Variants in CNST observed in about 807,000 individuals in gnomAD.
CNST encodes consortin.
Under a neutral mutation model 72.4 loss-of-function variants are expected in CNST, and 39 were observed. That is an observed-to-expected ratio of 0.54 (90% CI 0.42 to 0.70). CNST has a LOEUF of 0.70. CNST is among the 30% of genes least tolerant of loss of function. The pLI is 0.00. For missense variants in CNST, 871 were observed against 868.5 expected (o/e 1.00, Z -0.04); for synonymous variants, 332 against 320.1 (o/e 1.04, Z -0.40).
chr1:246,569,591 G>C (rs1233645366), intron 1 of CNST, among the ~76,000 whole-genome samples: 1 of 152,076 alleles, frequency 6.6e-6, no homozygotes, highest in Admixed American at 6.6e-5. Context: ...TGTTTTGTTT[G>C]TTTTGAGACA....
chr1:246,639,064 A>C (rs1160506019), intron 6 of CNST, among the ~76,000 whole-genome samples: 1 of 152,172 alleles, frequency 6.6e-6, no homozygotes, highest in Non-Finnish European at 1.5e-5. Context: ...AGCTGCCACC[A>C]GTGCTTGGAG....
intron 2 of CNST, among the ~76,000 whole-genome samples, chr1:246,602,034 CT>C (rs1662320951): frequency 6.6e-6 from 1 of 152,158 alleles, no homozygotes; most frequent in Non-Finnish European, 1.5e-5. Flanking sequence ...ACACCACCTA[CT>C]TATAAGAGGA....
chr1:246,615,502 C>G (rs781476505), intron 2 of CNST, among the ~76,000 whole-genome samples: 2 of 150,178 alleles, frequency 1.3e-5, no homozygotes, highest in African/African-American at 4.9e-5. Flanking sequence ...AGAAATAATA[C>G]CTCTTCACAG....
chr1:246,641,894 A>G (rs372047884), intron 7 of CNST, 47 bp from the exon 8 acceptor site: 3 of 1,475,148 alleles, frequency 2.0e-6, no homozygotes, highest in East Asian at 4.5e-5. Context: ...CTAGTTTAAT[A>G]CAACAGTTTC....
intron 3 of CNST, among the ~76,000 whole-genome samples, chr1:246,628,496 C>T (rs985385206): frequency 1.6e-4 from 25 of 152,164 alleles, no homozygotes; most frequent in African/African-American, 5.6e-4. Context: ...ATTTTGAGCT[C>T]GTGGAACTCT....
At chr1:246,580,207 A>G (rs561417250) in intron 1 of CNST, among the ~76,000 whole-genome samples, 51 of 152,110 alleles carry the variant, frequency 3.4e-4, no homozygotes, top group Non-Finnish European at 5.7e-4. Context: ...GTTTCCTTAG[A>G]TTTTTTTTAA....
At chr1:246,592,954 A>T (rs1661645253) in intron 2 of CNST, among the ~76,000 whole-genome samples, 1 of 152,192 alleles carries the variant, frequency 6.6e-6, no homozygotes, top group Admixed American at 6.5e-5. Flanking sequence ...GGGACTAGAA[A>T]GTTTTGGTAT....
intron 3 of CNST, among the ~76,000 whole-genome samples, chr1:246,624,285 G>A (rs1393328532): frequency 1.3e-5 from 2 of 152,108 alleles, no homozygotes; most frequent in African/African-American, 2.4e-5. Context: ...TGGATTGCAC[G>A]GCAATCTTTT....
chr1:246,604,675 T>C (rs530400212), intron 2 of CNST, among the ~76,000 whole-genome samples: 6 of 149,860 alleles, frequency 4.0e-5, no homozygotes, highest in African/African-American at 1.5e-4. Flanking sequence ...TTATATTTAT[T>C]GTTATTATTT....
chr1:246,623,894 T>A (rs1553379134), intron 3 of CNST, among the ~76,000 whole-genome samples: 1 of 65,706 alleles, frequency 1.5e-5, no homozygotes, highest in South Asian at 1.0e-3. Flanking sequence ...AAACCTTGTC[T>A]CTACAAAAAA....
chr1:246,581,636 T>C (rs1045713190), intron 1 of CNST, among the ~76,000 whole-genome samples: 1 of 152,242 alleles, frequency 6.6e-6, no homozygotes, highest in Non-Finnish European at 1.5e-5. Flanking sequence ...CCATTACAGC[T>C]GCAAACTCCT....
At position 246,589,421 on chromosome 1, in the gene CNST, A is replaced by T. The variant is rs370558388; in HGVS notation, c.-51-2091A>T. 5.1e-4 allele frequency among the ~76,000 whole-genome samples: 78 copies of T among 152,108 alleles called. No homozygotes were observed. The East Asian group carries it at 0.015, about 29-fold the overall frequency. ...AGAATGATGGTTTCCAGCTTCATCC[A>T]TGTCCCTACAAAGGACATGAACTCA... On this transcript the variant is annotated intron_variant, in intron 1 of 10. Coordinates refer to ENST00000366513, the MANE Select transcript of CNST (RefSeq NM_152609.3).
chr1:246,566,911 G>T, intron 1 of CNST: 1 of 353,248 alleles, frequency 2.8e-6, no homozygotes, highest in Non-Finnish European at 5.1e-6. Flanking sequence ...CTCCCTAGGG[G>T]ACTAGCGCCA....
intron 1 of CNST, among the ~76,000 whole-genome samples, chr1:246,569,239 CTT>C (rs772493375): frequency 2.4e-4 from 36 of 152,158 alleles, no homozygotes; most frequent in Admixed American, 4.6e-4. Context: ...TTTATTTAAT[CTT>C]ATATATGTTA....
Position 246,647,708 on chromosome 1 carries a change from T to C in CNST, c.1507T>C (p.Ser503Pro). The change falls in exon 9 of 11, where the codon TCA (serine) becomes CCA (proline). Residue 503 changes from serine to proline, a missense_variant. Physicochemically the swap from Ser to Pro is moderately conservative, Grantham distance 74. Coordinates refer to ENST00000366513, the MANE Select transcript of CNST (RefSeq NM_152609.3). ...AAAATCACCACAGGCGCAGGCTGAC[T>C]CAGACGGTTCTGAGAATGTGCTCTG... ...DGKSPQAQAD[S>P]DGSENVLCGN... 6.2e-7 allele frequency: 1 copy of C among 1,614,162 alleles called. No individual in the cohort carries two copies. Among genetic ancestry groups the C allele is most frequent in the Non-Finnish European group, 8.5e-7 (1 of 1,180,038 alleles).
chr1:246,621,640 C>A lies in CNST; in HGVS notation c.585+6C>A. ...TTCCCCTTTGCCTTCATCAGGTACT[C>A]TGGTAAACCCTTCACTTTCAGCCTC... is the stretch of plus-strand genomic sequence containing the variant. On this transcript the variant is annotated splice_donor_region_variant and intron_variant, in intron 3 of 10. Transcript: ENST00000366513. 2 of 1,607,490 alleles carry A rather than the reference C, an allele frequency of 1.2e-6. No homozygotes were observed. Among genetic ancestry groups the A allele is most frequent in the Admixed American group, 3.3e-5 (2 of 60,008 alleles).
chr1:246,642,151 T>TTTTTTTTTTTTTTTTTTTTTTTTC (rs1665758928), intron 8 of CNST, 114 bp downstream of exon 8: 1 of 597,022 alleles, frequency 1.7e-6, no homozygotes, highest in African/African-American at 2.1e-5. Flanking sequence ...TTTTTTTTTT[T>TTTTTTTTTTTTTTTTTTTTTTTTC]TTTGCACTTA....
At chr1:246,656,469 A>G (rs970941660) in intron 9 of CNST, among the ~76,000 whole-genome samples, 3 of 152,170 alleles carry the variant, frequency 2.0e-5, no homozygotes, top group Non-Finnish European at 4.4e-5. Flanking sequence ...CAATTACATT[A>G]ATTATAGCTC....
chr1:246,665,938 G>A lies in CNST; in HGVS notation c.*33G>A, dbSNP rs1383158627. The A allele has an allele frequency of 6.8e-7, 1 of 1,475,606 alleles. No individual in the cohort carries two copies. The highest frequency in any genetic ancestry group is 9.4e-7 in the Non-Finnish European group (1 of 1,059,334). 91.4% of individuals were successfully genotyped at this position (1,475,606 alleles called of 1,614,324 possible). On this transcript the variant is annotated 3_prime_UTR_variant, in exon 11 of 11. Coordinates refer to ENST00000366513, the MANE Select transcript of CNST (RefSeq NM_152609.3). ...CCAGACACAGACATGCTGGCAGTGAGAGTGAAAGGCGGGAGACTTTCTAAA... is the reference window on the plus strand; with the variant it reads ...CCAGACACAGACATGCTGGCAGTGAAAGTGAAAGGCGGGAGACTTTCTAAA...
Sources: gnomAD v4.1 joint callset for allele counts (sites outside exome capture counted in the v4.1 genomes callset) on GRCh38, gnomAD v4.1.1 for gene constraint, MANE v1.5 for transcripts, NCBI Gene and HGNC (gene_info 2026-07-23, HGNC 2026-07-21) for gene names.